PTPRM: variants seen among roughly 807,000 people sequenced by gnomAD.
PTPRM encodes protein tyrosine phosphatase receptor type M.
In PTPRM, 47 loss-of-function variants were observed where a neutral mutation model predicts 186.7. The observed-to-expected ratio is 0.25, with a 90% CI of 0.20 to 0.32. The LOEUF is 0.32. Ranked by LOEUF, PTPRM falls within the 10% of genes least tolerant of loss-of-function variation. The pLI is 1.00. For missense variants in PTPRM, 1,494 were observed against 1,865.0 expected (o/e 0.80, Z 3.66); for synonymous variants, 668 against 674.9 (o/e 0.99, Z 0.16).
chr18:7,770,391 T>G (rs2042220337), intron 1 of PTPRM, among the ~76,000 whole-genome samples: 3 of 152,198 alleles, frequency 2.0e-5, no homozygotes, highest in Admixed American at 2.0e-4. Flanking sequence ...AGTGCAAGTT[T>G]TCAATTATAT....
chr18:8,044,776 A>G (rs1446255104), intron 7 of PTPRM, among the ~76,000 whole-genome samples: 1 of 151,434 alleles, frequency 6.6e-6, no homozygotes, highest in East Asian at 1.9e-4. Context: ...AAAAAAAAGA[A>G]AAAACAGAAA....
At position 7,889,531 on chromosome 18, in the gene PTPRM, G is replaced by A. The variant is rs561200533; in HGVS notation, c.468+1154G>A. Among the ~76,000 whole-genome samples the A allele has an allele frequency of 2.0e-4, 30 of 151,920 alleles. No homozygotes were observed. The South Asian group carries it at 4.4e-3, about 22-fold the overall frequency. ...TTTATATTTTTTTTGTAGAGACAGG[G>A]CCTTGCTATGTTGCCCAGGCTGGTC... On this transcript the variant is annotated intron_variant, in intron 3 of 32. Coordinates refer to ENST00000580170, the MANE Select transcript of PTPRM (RefSeq NM_001105244.2).
At chr18:8,279,949 G>A (rs2094882690) in intron 19 of PTPRM, among the ~76,000 whole-genome samples, 1 of 152,212 alleles carries the variant, frequency 6.6e-6, no homozygotes, top group African/African-American at 2.4e-5. Context: ...CACTTGGAAA[G>A]AAAATCTCCC....
At chr18:8,214,947 C>T (rs1017460347) in intron 14 of PTPRM, among the ~76,000 whole-genome samples, 3 of 152,232 alleles carry the variant, frequency 2.0e-5, no homozygotes, top group African/African-American at 7.2e-5. Flanking sequence ...GCCACTGCGC[C>T]TGGCCATCCT....
At position 7,949,245 on chromosome 18, in the gene PTPRM, C is replaced by T. The variant is rs1215244926; in HGVS notation, c.728C>T (p.Ala243Val). Residue 243 changes from alanine (A) to valine (V), a missense_variant, in exon 6 of 33, where the codon GCT (alanine) becomes GTT (valine). Transcript: ENST00000580170. ...IKVTSSRRFI[A>V]SFNVVNTTKR... is the part of the protein sequence containing the mutation. ...GTGACCAGCTCCCGACGCTTCATTG[C>T]TTCATTTAATGTTGTGAATACCACC... 6.2e-7 allele frequency: 1 copy of T among 1,612,328 alleles called. No homozygotes were observed. The highest frequency in any genetic ancestry group is 1.7e-5 in the Admixed American group (1 of 60,014).
intron 1 of PTPRM, among the ~76,000 whole-genome samples, chr18:7,646,337 G>A (rs767902217): frequency 5.3e-5 from 8 of 152,204 alleles, no homozygotes; most frequent in Non-Finnish European, 7.4e-5. Flanking sequence ...TTGGGCAGGG[G>A]CATCCTCATT....
At chr18:7,930,905 A>G (rs1370434804) in intron 5 of PTPRM, among the ~76,000 whole-genome samples, 1 of 151,904 alleles carries the variant, frequency 6.6e-6, no homozygotes, top group Non-Finnish European at 1.5e-5. Flanking sequence ...ATCTGTTTAT[A>G]TTTTCTTAGT....
At chr18:8,356,985 G>T (rs986263008) in intron 23 of PTPRM, among the ~76,000 whole-genome samples, 2 of 152,154 alleles carry the variant, frequency 1.3e-5, no homozygotes, top group African/African-American at 4.8e-5. Context: ...GGATCCATTT[G>T]AATAACAAAA....
Position 7,567,989 on chromosome 18 carries a change from G to T in PTPRM, c.73+98G>T, listed in dbSNP as rs569516503. Reference sequence around the variant, plus strand: ...CTGGTGGTAGAGCCCTAAGGCTGGCGTCGGGGCCGGGCGGGGGGCGCGGCG... The same window carrying T: ...CTGGTGGTAGAGCCCTAAGGCTGGCTTCGGGGCCGGGCGGGGGGCGCGGCG... On this transcript the variant is annotated intron_variant, in intron 1 of 32. Transcript: ENST00000580170. The surrounding 1 kb of genome is among the most constrained non-coding windows in gnomAD (Gnocchi z 4.3). 4.5e-4 allele frequency: 543 copies of T among 1,198,084 alleles called. 1 individual carries two copies. In the African/African-American group the frequency reaches 7.5e-3, roughly 16 times the overall value. The allele number at this position is 1,198,084 out of a possible 1,614,324, so 74.2% of individuals were successfully genotyped here.
At chr18:8,344,951 C>A (rs1642510601) in intron 23 of PTPRM, among the ~76,000 whole-genome samples, 1 of 152,048 alleles carries the variant, frequency 6.6e-6, no homozygotes, top group African/African-American at 2.4e-5. Context: ...GAGCACCAGC[C>A]AGCCCAGGGA....
intron 14 of PTPRM, among the ~76,000 whole-genome samples, chr18:8,178,108 C>T (rs2093513176): frequency 6.6e-6 from 1 of 152,208 alleles, no homozygotes; most frequent in African/African-American, 2.4e-5. Flanking sequence ...TCACCAGTTT[C>T]AGATGTTGGG....
At chr18:7,960,728 A>C (rs1234546464) in intron 7 of PTPRM, among the ~76,000 whole-genome samples, 1 of 152,010 alleles carries the variant, frequency 6.6e-6, no homozygotes, top group East Asian at 1.9e-4. Flanking sequence ...ACTGCACTCC[A>C]TCATCGACAG....
At position 7,740,134 on chromosome 18, in the gene PTPRM, T is replaced by G. The variant is rs561688898; in HGVS notation, c.74-34015T>G. Among the ~76,000 whole-genome samples the G allele has an allele frequency of 2.0e-5, 3 of 152,370 alleles. No individual in the cohort carries two copies. In the South Asian group the frequency reaches 6.2e-4, roughly 32 times the overall value. ...ATCCTCAGAGGAAGTTCTGCTGAAC[T>G]GGGCTGCTCCCATGGCTTGAGGGCA... On this transcript the variant is annotated intron_variant, in intron 1 of 32. Coordinates refer to ENST00000580170, the MANE Select transcript of PTPRM (RefSeq NM_001105244.2).
chr18:8,228,909 G>A (rs536274084), intron 14 of PTPRM, among the ~76,000 whole-genome samples: 109 of 151,910 alleles, frequency 7.2e-4, no homozygotes, highest in Non-Finnish European at 1.4e-3. Context: ...TACCTATGAA[G>A]TGGTTAGGTG....
At chr18:7,728,817 A>C (rs535449508) in intron 1 of PTPRM, among the ~76,000 whole-genome samples, 1 of 152,332 alleles carries the variant, frequency 6.6e-6, no homozygotes, top group East Asian at 1.9e-4. Context: ...TCTGTGTCCT[A>C]GACTATTTGT....
chr18:8,034,421 C>A (rs888333532), intron 7 of PTPRM, among the ~76,000 whole-genome samples: 3 of 152,160 alleles, frequency 2.0e-5, no homozygotes, highest in African/African-American at 7.2e-5. Context: ...TGGGTGTGAT[C>A]CATCTGTGGG....
chr18:8,026,665 T>C (rs992090253), intron 7 of PTPRM, among the ~76,000 whole-genome samples: 17 of 152,170 alleles, frequency 1.1e-4, no homozygotes, highest in Non-Finnish European at 1.9e-4. Flanking sequence ...AAGACCAGCC[T>C]GGCCAACATG....
chr18:8,340,793 A>G (rs1054184083), intron 22 of PTPRM, among the ~76,000 whole-genome samples: 1 of 152,202 alleles, frequency 6.6e-6, no homozygotes, highest in Non-Finnish European at 1.5e-5. Flanking sequence ...AGATCAGGAG[A>G]GATCTGAAAA....
At chr18:7,992,193 T>C (rs2083302859) in intron 7 of PTPRM, among the ~76,000 whole-genome samples, 1 of 152,104 alleles carries the variant, frequency 6.6e-6, no homozygotes, top group Admixed American at 6.6e-5. Flanking sequence ...TGTTTTATCT[T>C]TTGGGGTTCT....
Sources: allele counts gnomAD v4.1 joint callset (sites outside exome capture counted in the v4.1 genomes callset), GRCh38; gene constraint gnomAD v4.1.1; non-coding constraint Gnocchi (gnomAD v3.1); transcripts MANE v1.5; gene names NCBI Gene and HGNC (gene_info 2026-07-23, HGNC 2026-07-21).